Variants in MKLN1 observed in about 807,000 individuals in gnomAD.
MKLN1 encodes muskelin.
Under a neutral mutation model 99.0 loss-of-function variants are expected in MKLN1, and 18 were observed. The observed-to-expected ratio is 0.18, with a 90% confidence interval of 0.13 to 0.27. The LOEUF (loss-of-function observed/expected upper bound fraction) is 0.27, where lower values mean the gene tolerates loss of function less well. MKLN1 is among the 10% of genes least tolerant of loss of function. MKLN1 has a pLI of 1.00. For synonymous variants in MKLN1, 288 were observed against 293.2 expected (o/e 0.98, Z 0.18); for missense variants, 621 against 875.9 (o/e 0.71, Z 3.67).
chr7:131,243,286 T>C (rs1259946094), intron 3 of MKLN1, among the ~76,000 whole-genome samples: 2 of 152,290 alleles, frequency 1.3e-5, no homozygotes, highest in Middle Eastern at 3.4e-3. Context: ...ATGTCACAAA[T>C]ACCTGCTCTT....
chr7:131,126,982 A>G (rs955668988), intron 1 of MKLN1, among the ~76,000 whole-genome samples: 2 of 152,146 alleles, frequency 1.3e-5, no homozygotes, highest in African/African-American at 4.8e-5. Context: ...CCTGACCAAC[A>G]TGGAAAAACT....
At chr7:131,282,364 A>AC (rs2116580436) in intron 3 of MKLN1, among the ~76,000 whole-genome samples, 1 of 151,930 alleles carries the variant, frequency 6.6e-6, no homozygotes, top group East Asian at 1.9e-4. Flanking sequence ...AAAAAAAAAA[A>AC]AAAAAGAAAG....
At chr7:131,389,045 A>G in intron 4 of MKLN1, 73 bp downstream of exon 4, 1 of 905,800 alleles carries the variant, frequency 1.1e-6, no homozygotes, top group South Asian at 1.7e-5. Context: ...CCCATAGACC[A>G]AATCCTGCAG....
chr7:131,391,239 T>C (rs576353984), intron 4 of MKLN1, among the ~76,000 whole-genome samples: 1 of 152,284 alleles, frequency 6.6e-6, no homozygotes, highest in Admixed American at 6.5e-5. Context: ...TTTAGGTAAA[T>C]CGTTAGAATT....
chr7:131,448,611 T>C (rs1796087115), intron 12 of MKLN1, among the ~76,000 whole-genome samples: 1 of 152,264 alleles, frequency 6.6e-6, no homozygotes, highest in Non-Finnish European at 1.5e-5. Context: ...GTTTGTATTC[T>C]ATTTTAAAAT....
chr7:131,284,148 A>G (rs1260618028), intron 3 of MKLN1, among the ~76,000 whole-genome samples: 1 of 152,222 alleles, frequency 6.6e-6, no homozygotes. Context: ...ATCTAGAACA[A>G]AAATTGCTAG....
chr7:131,149,336 A>T (rs1795857217), intron 2 of MKLN1, among the ~76,000 whole-genome samples: 1 of 152,164 alleles, frequency 6.6e-6, no homozygotes, highest in South Asian at 2.1e-4. Flanking sequence ...ACCTGTCTTT[A>T]TGTCTCCACA....
At chr7:131,146,388 T>C (rs1384203682) in intron 2 of MKLN1, among the ~76,000 whole-genome samples, 3 of 152,154 alleles carry the variant, frequency 2.0e-5, no homozygotes, top group African/African-American at 4.8e-5. Context: ...GACTTTCACT[T>C]CTAGAAAGCC....
rs562024506 is a variant in MKLN1 at position 131,430,278 on chromosome 7, A to T, written c.960+1133A>T. Among the ~76,000 whole-genome samples, 6 of 152,102 alleles carry T rather than the reference A, an allele frequency of 3.9e-5. No individual in the cohort carries two copies. In the East Asian group the frequency reaches 1.2e-3, roughly 29 times the overall value. ...TTCTTGCTTACTCTGAAATTATGTT[A>T]ATAAAAACTGTCCAGGGATTAATCA... On this transcript the variant is annotated intron_variant, in intron 9 of 17. Coordinates refer to ENST00000352689, the MANE Select transcript of MKLN1 (RefSeq NM_013255.5).
chr7:131,451,769 G>A (rs992221660), intron 12 of MKLN1, among the ~76,000 whole-genome samples: 1 of 152,196 alleles, frequency 6.6e-6, no homozygotes, highest in Non-Finnish European at 1.5e-5. Context: ...AAGTAAGACT[G>A]TGAACACAAG....
At chr7:131,115,090 A>G (rs1795254538) in intron 1 of MKLN1, among the ~76,000 whole-genome samples, 1 of 152,308 alleles carries the variant, frequency 6.6e-6, no homozygotes, top group African/African-American at 2.4e-5. Context: ...AGAGTAGAGG[A>G]TGCAGATAGA....
chr7:131,114,092 A>G (rs1422803567), intron 1 of MKLN1, among the ~76,000 whole-genome samples: 9 of 152,218 alleles, frequency 5.9e-5, no homozygotes, highest in Non-Finnish European at 1.3e-4. Flanking sequence ...GGTAGCAAGA[A>G]TGGACATGGA....
At chr7:131,370,262 C>T (rs968489690) in intron 1 of MKLN1, among the ~76,000 whole-genome samples, 5 of 151,652 alleles carry the variant, frequency 3.3e-5, no homozygotes, top group Non-Finnish European at 5.9e-5. Context: ...TTATCTGATA[C>T]TAAATTTCCA....
At position 131,486,095 on chromosome 7, in the gene MKLN1, CAGAG is replaced by C. The variant is rs141739452; in HGVS notation, c.2087-1494_2087-1491del. ...AGTGGGGTACACACATGGAGAGAGA[CAGAG>C]AGAGAGAGAGAGAGAGAACATATTT... On this transcript the variant is annotated intron_variant, in intron 17 of 17. Coordinates refer to ENST00000352689, the MANE Select transcript of MKLN1 (RefSeq NM_013255.5). 5.1e-3 allele frequency among the ~76,000 whole-genome samples: 750 copies of C among 147,624 alleles called. 8 individuals are homozygous for C. Among genetic ancestry groups the C allele is most frequent in the African/African-American group, 0.016 (656 of 40,438 alleles).
chr7:131,183,099 A>T (rs891876520), intron 2 of MKLN1, among the ~76,000 whole-genome samples: 1 of 152,224 alleles, frequency 6.6e-6, no homozygotes, highest in African/African-American at 2.4e-5. Context: ...TAACACCCTC[A>T]AAGGAGCTGA....
intron 1 of MKLN1, among the ~76,000 whole-genome samples, chr7:131,119,983 T>G (rs979571076): frequency 6.6e-6 from 1 of 152,198 alleles, no homozygotes; most frequent in African/African-American, 2.4e-5. Context: ...TTCAAGTCAT[T>G]TCTTTGTTTA....
At chr7:131,112,359 C>T (rs751499480) in intron 1 of MKLN1, among the ~76,000 whole-genome samples, 2 of 152,170 alleles carry the variant, frequency 1.3e-5, no homozygotes, top group Non-Finnish European at 2.9e-5. Flanking sequence ...AATTTAAGCA[C>T]TGAACCTTTA....
chr7:131,407,379 G>T (rs972111174), intron 6 of MKLN1, among the ~76,000 whole-genome samples: 1 of 151,798 alleles, frequency 6.6e-6, no homozygotes, highest in Non-Finnish European at 1.5e-5. Context: ...TCTATTGCAG[G>T]CTACATTTTT....
intron 1 of MKLN1, among the ~76,000 whole-genome samples, chr7:131,122,892 C>A (rs537471198): frequency 2.0e-5 from 3 of 151,638 alleles, no homozygotes; most frequent in South Asian, 2.1e-4. Flanking sequence ...GTGTGGTGGC[C>A]CGCGCCTGTA....
Sources: allele counts gnomAD v4.1 joint callset (sites outside exome capture counted in the v4.1 genomes callset), GRCh38; gene constraint gnomAD v4.1.1; transcripts MANE v1.5; gene names NCBI Gene and HGNC (gene_info 2026-07-23, HGNC 2026-07-21).